Variants in C9orf40 observed in about 807,000 individuals in gnomAD.
The protein encoded by C9orf40 is uncharacterized protein C9orf40.
Under a neutral mutation model 7.9 loss-of-function variants are expected in C9orf40, and 2 were observed. The observed-to-expected ratio is 0.25, with a 90% confidence interval of 0.10 to 0.80. C9orf40 has a LOEUF of 0.80. Among genes scored for constraint, C9orf40 ranks in the 30% least tolerant of loss-of-function variants. The probability of loss-of-function intolerance (pLI) is 0.68; values close to 1 mark genes in which losing one functional copy is unlikely to be tolerated. For missense variants in C9orf40, 256 were observed against 268.5 expected (o/e 0.95, Z 0.33); for synonymous variants, 113 against 117.6 (o/e 0.96, Z 0.25).
chr9:74,947,892 A>T lies in C9orf40; in HGVS notation c.*156T>A. ...AATCCTTATTAAGAGGTTCAGTAGT[A>T]ACTGTAGGTATTTAATGTCAGAACA... On this transcript the variant is annotated 3_prime_UTR_variant, in exon 2 of 2. Coordinates refer to ENST00000376854, the MANE Select transcript of C9orf40 (RefSeq NM_017998.3). 1 of 676,988 alleles carries T rather than the reference A, an allele frequency of 1.5e-6. No individual in the cohort carries two copies. Among genetic ancestry groups the T allele is most frequent in the Admixed American group, 3.0e-5 (1 of 33,440 alleles). 41.9% of individuals were successfully genotyped at this position (676,988 alleles called of 1,614,324 possible).
intron 1 of C9orf40, among the ~76,000 whole-genome samples, chr9:74,950,325 C>T (rs977961669): frequency 2.0e-5 from 3 of 152,228 alleles, no homozygotes; most frequent in African/African-American, 7.2e-5. Flanking sequence ...GCTTTGCCTA[C>T]TGCCATTTCC....
chr9:74,952,163 G>GGCCCCCCCCCCCCCCCCCCCCA lies in C9orf40; in HGVS notation c.426+22_426+23insTGGGGGGGGGGGGGGGGGGGGC. ...AAAAGGCAAGCCCCTTCGCCCCTCAGCCCACCCGCCCCCAGCCCCTACCTG... is the reference window on the plus strand; with the variant it reads ...AAAAGGCAAGCCCCTTCGCCCCTCAGGCCCCCCCCCCCCCCCCCCCCACCCACCCGCCCCCAGCCCCTACCTG... On this transcript the variant is annotated intron_variant, in intron 1 of 1. Transcript: ENST00000376854. The surrounding 1 kb of genome is among the most constrained non-coding windows in gnomAD (Gnocchi z 5.4). 2.8e-6 allele frequency: 1 copy of GGCCCCCCCCCCCCCCCCCCCCA among 351,746 alleles called. No individual in the cohort carries two copies. The highest frequency in any genetic ancestry group is 2.2e-5 in the African/African-American group (1 of 45,786). 21.8% of individuals were successfully genotyped at this position (351,746 alleles called of 1,614,324 possible).
Position 74,952,348 on chromosome 9 carries a change from C to T in C9orf40, c.264G>A (p.Glu88=), listed in dbSNP as rs1330507342. The stretch of plus-strand genomic sequence containing the variant: ...GATCGCCTGTCTCCAGACCGTGGTC[C>T]TCACGCTCCTGGCCGCTCGGGGCGC... The part of the protein sequence containing the change: ...DNSAPSGQER[E]DHGLETGDPP... Residue 88 remains glutamate (E), a synonymous_variant, in exon 1 of 2, where the codon GAG becomes GAA. Coordinates refer to ENST00000376854, the MANE Select transcript of C9orf40 (RefSeq NM_017998.3). This position sits in a 1 kb window ranked among gnomAD's most constrained non-coding sequence, Gnocchi z 5.4. 6.5e-7 allele frequency: 1 copy of T among 1,528,242 alleles called. No homozygotes were observed. Among genetic ancestry groups the T allele is most frequent in the East Asian group, 2.6e-5 (1 of 38,050 alleles). 94.7% of individuals were successfully genotyped at this position (1,528,242 alleles called of 1,614,324 possible). A position where few individuals can be genotyped will look rare whatever the true frequency, so the allele number is the denominator to read the frequency against.
chr9:74,952,351 A>G lies in C9orf40; in HGVS notation c.261T>C (p.Arg87=), dbSNP rs1449691227. The G allele has an allele frequency of 1.3e-6, 2 of 1,530,940 alleles. No individual in the cohort carries two copies. Among genetic ancestry groups the G allele is most frequent in the East Asian group, 2.6e-5 (1 of 38,206 alleles). 94.8% of individuals were successfully genotyped at this position (1,530,940 alleles called of 1,614,324 possible). ...GDNSAPSGQE[R]EDHGLETGDP... is the part of the protein sequence containing the mutation. ...CGCCTGTCTCCAGACCGTGGTCCTC[A>G]CGCTCCTGGCCGCTCGGGGCGCTGT... Residue 87 remains arginine (R), a synonymous_variant, in exon 1 of 2, where the codon CGT becomes CGC. Coordinates refer to ENST00000376854, the MANE Select transcript of C9orf40 (RefSeq NM_017998.3). This position sits in a 1 kb window ranked among gnomAD's most constrained non-coding sequence, Gnocchi z 5.4.
chr9:74,947,623 A>G lies in C9orf40; in HGVS notation c.*425T>C, dbSNP rs934744193. 1 of 153,524 alleles carries G rather than the reference A, an allele frequency of 6.5e-6. No individual in the cohort carries two copies. Among genetic ancestry groups the G allele is most frequent in the Non-Finnish European group, 1.5e-5 (1 of 68,666 alleles). 9.5% of individuals were successfully genotyped at this position (153,524 alleles called of 1,614,324 possible). The stretch of plus-strand genomic sequence containing the variant: ...GCTATTTGTTCAACTAACAGAGTCA[A>G]TAGAATGTATTAGAAAGTACTTTAT... On this transcript the variant is annotated 3_prime_UTR_variant, in exon 2 of 2. Transcript: ENST00000376854.
In C9orf40 at chr9:74,949,441, GA is replaced by G. The variant is rs1554752104; in HGVS notation, c.427-1236del. Among the ~76,000 whole-genome samples, 5 of 152,050 alleles carry G rather than the reference GA, an allele frequency of 3.3e-5. No individual in the cohort carries two copies. The South Asian group carries it at 8.3e-4, about 25-fold the overall frequency. ...TGAATCTACATAGTGACACTAACAT[GA>G]AAAAAATACATGAATATTTAATGAA... On this transcript the variant is annotated intron_variant, in intron 1 of 1. Coordinates refer to ENST00000376854, the MANE Select transcript of C9orf40 (RefSeq NM_017998.3).
At chr9:74,951,152 A>T (rs1832290357) in intron 1 of C9orf40, among the ~76,000 whole-genome samples, 1 of 152,116 alleles carries the variant, frequency 6.6e-6, no homozygotes, top group South Asian at 2.1e-4. Context: ...GGCAGCAGAG[A>T]TCTAGGCAAA....
chr9:74,952,170 C>CCCCCCCCCCCCCCACCAG lies in C9orf40; in HGVS notation c.426+15_426+16insCTGGTGGGGGGGGGGGGG. The CCCCCCCCCCCCCCACCAG allele has an allele frequency of 4.2e-6, 2 of 478,724 alleles. No homozygotes were observed. The highest frequency in any genetic ancestry group is 6.4e-6 in the Non-Finnish European group (2 of 310,136). 29.7% of individuals were successfully genotyped at this position (478,724 alleles called of 1,614,324 possible). A position where few individuals can be genotyped will look rare whatever the true frequency, so the allele number is the denominator to read the frequency against. Reference sequence around the variant, plus strand: ...AAGCCCCTTCGCCCCTCAGCCCACCCGCCCCCAGCCCCTACCTGGCGCGAT... The same window carrying CCCCCCCCCCCCCCACCAG: ...AAGCCCCTTCGCCCCTCAGCCCACCCCCCCCCCCCCCCCACCAGGCCCCCAGCCCCTACCTGGCGCGAT... On this transcript the variant is annotated intron_variant, in intron 1 of 1. Transcript: ENST00000376854. The surrounding 1 kb of genome is among the most constrained non-coding windows in gnomAD (Gnocchi z 5.4).
chr9:74,951,034 T>C (rs1832289033), intron 1 of C9orf40, among the ~76,000 whole-genome samples: 1 of 152,236 alleles, frequency 6.6e-6, no homozygotes, highest in Non-Finnish European at 1.5e-5. Context: ...AATTGAGCTA[T>C]TTTATCTTCA....
Position 74,947,538 on chromosome 9 carries a change from TA to T in C9orf40, c.*509del, listed in dbSNP as rs978682995. The T allele has an allele frequency of 6.5e-6, 1 of 152,706 alleles. No individual in the cohort carries two copies. Among genetic ancestry groups the T allele is most frequent in the Non-Finnish European group, 1.5e-5 (1 of 68,080 alleles). The allele number at this position is 152,706 out of a possible 1,614,324, so 9.5% of individuals were successfully genotyped here. A position where few individuals can be genotyped will look rare whatever the true frequency, so the allele number is the denominator to read the frequency against. ...CTACTTTACATTTAGAAAGCTCTTT[TA>T]AAACAATAGCTTTTACAACAATCCC... On this transcript the variant is annotated 3_prime_UTR_variant, in exon 2 of 2. Transcript: ENST00000376854.
Position 74,948,022 on chromosome 9 carries a change from C to A in C9orf40, c.*26G>T, listed in dbSNP as rs753353619. The A allele has an allele frequency of 6.9e-6, 11 of 1,598,854 alleles. No individual in the cohort carries two copies. Among genetic ancestry groups the A allele is most frequent in the Non-Finnish European group, 8.5e-6 (10 of 1,172,700 alleles). ...CTTAGAGACATCTCCTCAAATCAGC[C>A]AATCCCACTGCTTCGGCTCCTTACA... On this transcript the variant is annotated 3_prime_UTR_variant, in exon 2 of 2. Transcript: ENST00000376854.
chr9:74,946,814 T>C lies in C9orf40; in HGVS notation c.*1234A>G, dbSNP rs1832245691. On this transcript the variant is annotated 3_prime_UTR_variant, in exon 2 of 2. Coordinates refer to ENST00000376854, the MANE Select transcript of C9orf40 (RefSeq NM_017998.3). ...AAAAAATCAAGTTTTTCTCTTTCCCTCTCAATGGCATTTACCATTTGTCTT... is the reference window on the plus strand; with the variant it reads ...AAAAAATCAAGTTTTTCTCTTTCCCCCTCAATGGCATTTACCATTTGTCTT... 1 of 152,178 alleles carries C rather than the reference T, an allele frequency of 6.6e-6. No homozygotes were observed. Among genetic ancestry groups the C allele is most frequent in the Non-Finnish European group, 1.5e-5 (1 of 68,026 alleles). The allele number at this position is 152,178 out of a possible 1,614,324, so 9.4% of individuals were successfully genotyped here.
Position 74,952,602 on chromosome 9 carries a change from G to A in C9orf40, c.10C>T (p.Arg4Trp), listed in dbSNP as rs1236285288. ...AACGTCACCGGCTCGGCCGCACGCC[G>A]CTTGGCCATGGGCCCAGAGGCTCGG... MAKRRAAEPVTFHV... is the reference protein window; with the variant it reads MAKWRAAEPVTFHV... The change falls in exon 1 of 2, where the codon CGG (arginine) becomes TGG (tryptophan). Residue 4 changes from arginine to tryptophan, a missense_variant. By Grantham distance (101) the Arg-to-Trp change is moderately radical (BLOSUM62 -3). Coordinates refer to ENST00000376854, the MANE Select transcript of C9orf40 (RefSeq NM_017998.3). The surrounding 1 kb of genome is among the most constrained non-coding windows in gnomAD (Gnocchi z 5.4). 1 of 1,565,506 alleles carries A rather than the reference G, an allele frequency of 6.4e-7. No individual in the cohort carries two copies. Among genetic ancestry groups the A allele is most frequent in the East Asian group, 2.3e-5 (1 of 42,556 alleles).
chr9:74,952,364 C>T lies in C9orf40; in HGVS notation c.248G>A (p.Ser83Asn). Reference protein sequence around the residue: ...RRDSGDNSAPSGQEREDHGLE... With the variant: ...RRDSGDNSAPNGQEREDHGLE... ...ACCGTGGTCCTCACGCTCCTGGCCG[C>T]TCGGGGCGCTGTTGTCCCCGCTGTC... The change falls in exon 1 of 2, where the codon AGC becomes AAC. Residue 83 changes from serine to asparagine, a missense_variant. Transcript: ENST00000376854. This position sits in a 1 kb window ranked among gnomAD's most constrained non-coding sequence, Gnocchi z 5.4. 6.4e-7 allele frequency: 1 copy of T among 1,555,572 alleles called. No individual in the cohort carries two copies. Among genetic ancestry groups the T allele is most frequent in the Non-Finnish European group, 8.6e-7 (1 of 1,160,156 alleles).
At chr9:74,950,207 G>A (rs1832281751) in intron 1 of C9orf40, among the ~76,000 whole-genome samples, 1 of 152,212 alleles carries the variant, frequency 6.6e-6, no homozygotes. Context: ...CGCTTGCAGC[G>A]ACTATAGGAA....
rs1006614905 is a variant in C9orf40, at chr9:74,950,646, A to T, written c.426+1540T>A. ...TATAAAACTCTCGTTATTTTATTGG[A>T]TTTTTCACATGAACAAGTCATGCCT... On this transcript the variant is annotated intron_variant, in intron 1 of 1. Transcript: ENST00000376854. Among the ~76,000 whole-genome samples, 3 of 151,820 alleles carry T rather than the reference A, an allele frequency of 2.0e-5. No individual in the cohort carries two copies. The East Asian group carries it at 5.8e-4, about 29-fold the overall frequency.
rs934672913 is a variant in C9orf40, at chr9:74,947,913, G to C, written c.*135C>G. 1.1e-6 allele frequency: 1 copy of C among 872,486 alleles called. No homozygotes were observed. Among genetic ancestry groups the C allele is most frequent in the Admixed American group, 2.6e-5 (1 of 39,142 alleles). 54.0% of individuals were successfully genotyped at this position (872,486 alleles called of 1,614,324 possible). Reference sequence around the variant, plus strand: ...TAGTAACTGTAGGTATTTAATGTCAGAACAATCTTTCTTCATTTCTCAGGT... The same window carrying C: ...TAGTAACTGTAGGTATTTAATGTCACAACAATCTTTCTTCATTTCTCAGGT... On this transcript the variant is annotated 3_prime_UTR_variant, in exon 2 of 2. Coordinates refer to ENST00000376854, the MANE Select transcript of C9orf40 (RefSeq NM_017998.3).
chr9:74,948,947 C>G (rs551394534), intron 1 of C9orf40, among the ~76,000 whole-genome samples: 1 of 152,130 alleles, frequency 6.6e-6, no homozygotes, highest in Non-Finnish European at 1.5e-5. Flanking sequence ...GGAAAATCTA[C>G]TGTACAAATT....
chr9:74,952,404 G>T lies in C9orf40; in HGVS notation c.208C>A (p.Pro70Thr). ...TCCCCGCTGTCACGGCGCTTGCTGG[G>T]CGAAGCCGAGGGCTCTGCCATGGTC... ...AGTMAEPSAS[P>T]SKRRDSGDNS... is the part of the protein sequence containing the mutation. The change falls in exon 1 of 2, where the codon CCC becomes ACC. Residue 70 changes from proline (P) to threonine (T), a missense_variant. By Grantham distance (38) the Pro-to-Thr change is conservative (BLOSUM62 -1). Transcript: ENST00000376854. The surrounding 1 kb of genome is among the most constrained non-coding windows in gnomAD (Gnocchi z 5.4). The T allele has an allele frequency of 1.9e-6, 3 of 1,584,628 alleles. No individual in the cohort carries two copies. Among genetic ancestry groups the T allele is most frequent in the Non-Finnish European group, 2.6e-6 (3 of 1,172,438 alleles).
Sources: allele counts gnomAD v4.1 joint callset (sites outside exome capture counted in the v4.1 genomes callset), GRCh38; gene constraint gnomAD v4.1.1; non-coding constraint Gnocchi (gnomAD v3.1); transcripts MANE v1.5; gene names NCBI Gene and HGNC (gene_info 2026-07-23, HGNC 2026-07-21).